Variants in TNRC18 observed in about 807,000 individuals in gnomAD.
TNRC18 encodes the protein trinucleotide repeat-containing gene 18 protein.
Under a neutral mutation model 226.7 loss-of-function variants are expected in TNRC18, and 69 were observed. The observed-to-expected ratio is 0.30, with a 90% CI of 0.25 to 0.37. TNRC18 has a LOEUF of 0.37. TNRC18 is among the 10% of genes least tolerant of loss of function. The pLI is 1.00. For synonymous variants in TNRC18, 2,449 were observed against 1,927.6 expected, an observed-to-expected ratio of 1.27 and a Z score of -7.09; for missense variants, 4,754 against 4,256.6, an observed-to-expected ratio of 1.12 and a Z score of -3.25.
rs181248490 is a variant in TNRC18 at position 5,408,908 on chromosome 7, T to C, written c.187+12152A>G. 1.7e-3 allele frequency among the ~76,000 whole-genome samples: 263 copies of C among 152,302 alleles called. 1 individual carries two copies. Among genetic ancestry groups the C allele is most frequent in the Middle Eastern group, 0.01 (3 of 294 alleles). On this transcript the variant is annotated intron_variant, in intron 2 of 29. Transcript: ENST00000430969. Reference sequence around the variant, plus strand: ...GGGAAAGATGGAACCACTGAGGGTATGCATTCTCAGGACTAGGGTGTGGAC... The same window carrying C: ...GGGAAAGATGGAACCACTGAGGGTACGCATTCTCAGGACTAGGGTGTGGAC...
Position 5,397,519 on chromosome 7 carries a change from G to A in TNRC18, c.188-2924C>T, listed in dbSNP as rs542324172. On this transcript the variant is annotated intron_variant, in intron 2 of 29. Coordinates refer to ENST00000430969, the MANE Select transcript of TNRC18 (RefSeq NM_001080495.3). Reference sequence around the variant, plus strand: ...CCAGCATCCCCAGCAAGGCAGTGCCGTTCTCAGTGCCTCAGTCTGCCACTC... The same window carrying A: ...CCAGCATCCCCAGCAAGGCAGTGCCATTCTCAGTGCCTCAGTCTGCCACTC... Among the ~76,000 whole-genome samples the A allele has an allele frequency of 2.8e-4, 42 of 152,278 alleles. 1 individual carries two copies. The Middle Eastern group carries it at 0.01, about 37-fold the overall frequency.
At chr7:5,344,645 G>C (rs368397652) in intron 18 of TNRC18, among the ~76,000 whole-genome samples, 1 of 152,174 alleles carries the variant, frequency 6.6e-6, no homozygotes, top group African/African-American at 2.4e-5. Flanking sequence ...CCCCTGCCAG[G>C]AGAGCCTCAT....
intron 19 of TNRC18, among the ~76,000 whole-genome samples, chr7:5,329,012 T>C (rs1416065163): frequency 1.3e-5 from 2 of 151,996 alleles, no homozygotes; most frequent in African/African-American, 2.4e-5. Context: ...AATAAAAATA[T>C]TGATAGAAGG....
rs774293810 is a variant in TNRC18, at chr7:5,377,592, T to C, written c.2256-16A>G. 8.3e-6 allele frequency: 13 copies of C among 1,563,772 alleles called. No homozygotes were observed. Among genetic ancestry groups the C allele is most frequent in the Admixed American group, 5.7e-5 (3 of 52,272 alleles). On this transcript the variant is annotated splice_polypyrimidine_tract_variant and intron_variant, in intron 6 of 29. Coordinates refer to ENST00000430969, the MANE Select transcript of TNRC18 (RefSeq NM_001080495.3). This position sits in a 1 kb window ranked among gnomAD's most constrained non-coding sequence, Gnocchi z 5.8. ...CTTACTCTCTCTGGAAGGAGGATCA[T>C]AGGTGTCAGCGACAGCTCGGACAGC...
At chr7:5,378,346 C>T (rs1779155818) in intron 5 of TNRC18, among the ~76,000 whole-genome samples, 2 of 152,190 alleles carry the variant, frequency 1.3e-5, no homozygotes, top group Non-Finnish European at 1.5e-5. Context: ...TGTCATAAAA[C>T]TTGTCACATA....
rs1397960851 is a variant in TNRC18, at chr7:5,320,493, C to T, written c.6636+39G>A. On this transcript the variant is annotated intron_variant, in intron 23 of 29. Coordinates refer to ENST00000430969, the MANE Select transcript of TNRC18 (RefSeq NM_001080495.3). ...TGGCCATGGCCTTGGACACCCAGCCCACCCCGAGCCTCCCGAGGCCCCGCC... is the reference window on the plus strand; with the variant it reads ...TGGCCATGGCCTTGGACACCCAGCCTACCCCGAGCCTCCCGAGGCCCCGCC... 4 of 1,570,602 alleles carry T rather than the reference C, an allele frequency of 2.5e-6. No individual in the cohort carries two copies. In the East Asian group the frequency reaches 7.0e-5, roughly 28 times the overall value.
intron 15 of TNRC18, among the ~76,000 whole-genome samples, chr7:5,358,902 C>G (rs1792739356): frequency 6.6e-6 from 1 of 152,086 alleles, no homozygotes; most frequent in African/African-American, 2.4e-5. Flanking sequence ...CAAAAAGGCA[C>G]CTTAAGTGGA....
At chr7:5,402,434 C>T (rs13235430) in intron 2 of TNRC18, among the ~76,000 whole-genome samples, 1,623 of 151,884 alleles carry the variant, frequency 0.011, 15 homozygotes, top group Middle Eastern at 0.027. Flanking sequence ...ACTCAGGAGG[C>T]TGAGGTGGGA....
chr7:5,393,928 G>A (rs138583877), intron 3 of TNRC18, among the ~76,000 whole-genome samples: 2,929 of 152,012 alleles, frequency 0.019, 57 homozygotes, highest in Non-Finnish European at 0.024. Context: ...GGCTGGTCTC[G>A]AACTCCTGCC....
rs748292717 is a variant in TNRC18, at chr7:5,313,613, G to A, written c.7278C>T (p.Pro2426=). 20 of 1,603,394 alleles carry A rather than the reference G, an allele frequency of 1.2e-5. No individual in the cohort carries two copies. Among genetic ancestry groups the A allele is most frequent in the Admixed American group, 1.7e-5 (1 of 58,084 alleles). The change falls in exon 27 of 30, where the codon CCC becomes CCT. Residue 2426 remains proline, a synonymous_variant. Transcript: ENST00000430969. ...PAPATSLAPA[P]LITMPATRPK... is the part of the protein sequence containing the mutation. ...GGCGTGTGGCAGGCATGGTGATGAG[G>A]GGTGCTGGGGCCAGGGAGGTGGCAG...
chr7:5,388,252 G>A lies in TNRC18; in HGVS notation c.1572C>T (p.Ala524=), dbSNP rs370101496. ...TGTGGTGGTGCTGCGCGGCCAGCACGGCCATCTGCGTGGCGGCGAAGTTGC... is the reference window on the plus strand; with the variant it reads ...TGTGGTGGTGCTGCGCGGCCAGCACAGCCATCTGCGTGGCGGCGAAGTTGC... ...ELGNFAATQM[A]VLAAQHHHSR... Residue 524 remains alanine, a synonymous_variant, in exon 5 of 30, where the codon GCC becomes GCT. Transcript: ENST00000430969. The A allele has an allele frequency of 7.5e-6, 12 of 1,608,056 alleles. No homozygotes were observed. Among genetic ancestry groups the A allele is most frequent in the African/African-American group, 1.3e-5 (1 of 74,714 alleles).
chr7:5,403,003 G>A (rs1303135869), intron 2 of TNRC18, among the ~76,000 whole-genome samples: 1 of 151,932 alleles, frequency 6.6e-6, no homozygotes, highest in African/African-American at 2.4e-5. Flanking sequence ...AGGGATTGGT[G>A]TCCCTTTTAC....
Position 5,387,917 on chromosome 7 carries a change from C to G in TNRC18, c.1907G>C (p.Arg636Pro). 6.3e-7 allele frequency: 1 copy of G among 1,593,502 alleles called. No individual in the cohort carries two copies. The highest frequency in any genetic ancestry group is 1.3e-5 in the African/African-American group (1 of 74,724). Residue 636 changes from arginine (R) to proline (P), a missense_variant, in exon 5 of 30, where the codon CGT becomes CCT. By Grantham distance (103) the Arg-to-Pro change is moderately radical. Coordinates refer to ENST00000430969, the MANE Select transcript of TNRC18 (RefSeq NM_001080495.3). Reference sequence around the variant, plus strand: ...TGCAGGGCCTCCGGAGTGTGGGAGACGGGCCTGGGCTCGGGAGGCACCCGC... The same window carrying G: ...TGCAGGGCCTCCGGAGTGTGGGAGAGGGGCCTGGGCTCGGGAGGCACCCGC... ...TSAGASRAQA[R>P]LPHSGGPAAG...
chr7:5,406,470 A>C (rs527984145), intron 2 of TNRC18, among the ~76,000 whole-genome samples: 1 of 150,580 alleles, frequency 6.6e-6, no homozygotes, highest in Non-Finnish European at 1.5e-5. Flanking sequence ...TCAAAAAAAA[A>C]TTTTTTTTTA....
intron 11 of TNRC18, 89 bp from the exon 12 acceptor site, chr7:5,362,914 C>A: frequency 7.4e-7 from 1 of 1,357,270 alleles, no homozygotes; most frequent in Non-Finnish European, 9.7e-7. Context: ...AAGCGCAGGC[C>A]CCAGGCCACA....
At chr7:5,422,266 G>A (rs1453561275) in intron 1 of TNRC18, among the ~76,000 whole-genome samples, 1 of 152,138 alleles carries the variant, frequency 6.6e-6, no homozygotes. Context: ...GCCTGGCGTG[G>A]GGGATTTGGG....
At position 5,359,401 on chromosome 7, in the gene TNRC18, A is replaced by T; in HGVS notation, c.4830T>A (p.Ser1610Arg). 6.2e-7 allele frequency: 1 copy of T among 1,613,932 alleles called. No individual in the cohort carries two copies. Reference protein sequence around the residue: ...DEHEASSDFISQLKIKKKKMA... With the variant: ...DEHEASSDFIRQLKIKKKKMA... ...CCTGGAAGACTGGGTTACTCACCTG[A>T]CTGATGAAGTCCGACGAGGCCTCAT... The change falls in exon 15 of 30, where the codon AGT (serine) becomes AGA (arginine). Residue 1610 changes from serine to arginine, a missense_variant. By Grantham distance (110) the Ser-to-Arg change is moderately radical (BLOSUM62 -1). Coordinates refer to ENST00000430969, the MANE Select transcript of TNRC18 (RefSeq NM_001080495.3).
chr7:5,419,927 G>C (rs1315840014), intron 2 of TNRC18: 2 of 159,150 alleles, frequency 1.3e-5, no homozygotes, highest in Non-Finnish European at 2.8e-5. Context: ...GGGGAGCATC[G>C]AGGGCTACTC....
intron 8 of TNRC18, 105 bp downstream of exon 8, chr7:5,376,741 AG>A: frequency 7.2e-7 from 1 of 1,398,238 alleles, no homozygotes; most frequent in Non-Finnish European, 9.8e-7. Flanking sequence ...CCCCAGCCCC[AG>A]ATCTGCCGGC....
Sources: gnomAD v4.1 joint callset for allele counts (sites outside exome capture counted in the v4.1 genomes callset) on GRCh38, gnomAD v4.1.1 for gene constraint, Gnocchi (gnomAD v3.1) non-coding constraint, MANE v1.5 for transcripts, NCBI Gene and HGNC (gene_info 2026-07-23, HGNC 2026-07-21) for gene names.